The following PRDM5 variants were observed in gnomAD, a reference collection of about 807,000 sequenced individuals.
PRDM5 encodes the protein PR domain zinc finger protein 5.
In PRDM5, 56 loss-of-function variants were observed where a neutral mutation model predicts 81.2. The ratio of observed to expected loss-of-function variants is 0.69; its 90% CI spans 0.56 to 0.86. The LOEUF is 0.86. Among genes scored for constraint, PRDM5 ranks in the 40% least tolerant of loss-of-function variants. PRDM5 has a pLI of 0.00. For missense variants in PRDM5, 697 were observed against 770.1 expected (o/e 0.91, Z 1.12); for synonymous variants, 267 against 256.4 (o/e 1.04, Z -0.39).
At chr4:120,870,776 G>A (rs1319234347) in intron 2 of PRDM5, among the ~76,000 whole-genome samples, 3 of 152,096 alleles carry the variant, frequency 2.0e-5, no homozygotes, top group Non-Finnish European at 2.9e-5. Context: ...TGGAGCGGAC[G>A]GTAGCTCAGC....
At chr4:120,893,279 C>T (rs116201075) in intron 2 of PRDM5, among the ~76,000 whole-genome samples, 22 of 152,320 alleles carry the variant, frequency 1.4e-4, no homozygotes, top group African/African-American at 5.1e-4. Context: ...CTGCACTGAA[C>T]CTAGACAGAC....
At chr4:120,700,560 C>T (rs1227861652) in intron 15 of PRDM5, among the ~76,000 whole-genome samples, 1 of 152,164 alleles carries the variant, frequency 6.6e-6, no homozygotes, top group East Asian at 1.9e-4. Context: ...TCCAACAGTT[C>T]TAATGTCCAG....
At chr4:120,790,860 T>G (rs1750463750) in intron 10 of PRDM5, among the ~76,000 whole-genome samples, 1 of 152,132 alleles carries the variant, frequency 6.6e-6, no homozygotes, top group Non-Finnish European at 1.5e-5. Flanking sequence ...GGAAGACTGC[T>G]TGAGCCTTGG....
intron 2 of PRDM5, among the ~76,000 whole-genome samples, chr4:120,907,111 G>T (rs1380041669): frequency 6.6e-6 from 1 of 151,560 alleles, no homozygotes; most frequent in Non-Finnish European, 1.5e-5. Context: ...GAGACGGGTA[G>T]ATCACCTGAG....
At chr4:120,839,139 G>A in intron 3 of PRDM5, 1 of 677,644 alleles carries the variant, frequency 1.5e-6, no homozygotes, top group Admixed American at 2.0e-5. Context: ...GAGCTCCCAG[G>A]TCTGGGATCC....
At chr4:120,901,435 A>G (rs1245020152) in intron 2 of PRDM5, among the ~76,000 whole-genome samples, 1 of 152,226 alleles carries the variant, frequency 6.6e-6, no homozygotes, top group Non-Finnish European at 1.5e-5. Flanking sequence ...CTCATGAATG[A>G]TCCAGGAGAC....
At chr4:120,718,790 A>C (rs1374525944) in intron 14 of PRDM5, among the ~76,000 whole-genome samples, 2 of 152,246 alleles carry the variant, frequency 1.3e-5, no homozygotes, top group Non-Finnish European at 2.9e-5. Context: ...AGCTGCTACC[A>C]TAGTGGCTGA....
intron 15 of PRDM5, among the ~76,000 whole-genome samples, chr4:120,705,516 T>C (rs575468811): frequency 6.6e-6 from 1 of 152,052 alleles, no homozygotes; most frequent in Non-Finnish European, 1.5e-5. Flanking sequence ...AAGATGTAGA[T>C]TCAGGGTAGG....
At chr4:120,793,348 A>G (rs1006137748) in intron 10 of PRDM5, among the ~76,000 whole-genome samples, 2 of 152,180 alleles carry the variant, frequency 1.3e-5, no homozygotes, top group Non-Finnish European at 2.9e-5. Flanking sequence ...GTAGGAAAAC[A>G]AGCTGAGGGC....
intron 15 of PRDM5, among the ~76,000 whole-genome samples, chr4:120,704,765 T>C (rs1264598713): frequency 1.3e-5 from 2 of 151,896 alleles, no homozygotes; most frequent in African/African-American, 4.8e-5. Flanking sequence ...TAAGGGAAAA[T>C]TGGCAGAAGG....
chr4:120,816,843 A>G lies in PRDM5; in HGVS notation c.732T>C (p.Ser244=). The G allele has an allele frequency of 6.2e-7, 1 of 1,613,682 alleles. No homozygotes were observed. Among genetic ancestry groups the G allele is most frequent in the Non-Finnish European group, 8.5e-7 (1 of 1,179,536 alleles). The change falls in exon 6 of 16, where the codon AGT becomes AGC. Residue 244 remains serine (S), a synonymous_variant. Transcript: ENST00000264808. The part of the protein sequence containing the change: ...FQCSVCNSSF[S]SASSFEQHQE... ...CTCAGACACAAAACCTCGATGCTGA[A>G]CTGAAGGAAGAATTGCAAACAGAGC...
chr4:120,853,398 T>C lies in PRDM5; in HGVS notation c.300+20A>G, dbSNP rs1486659192. The C allele has an allele frequency of 1.2e-6, 2 of 1,613,524 alleles. No homozygotes were observed. Among genetic ancestry groups the C allele is most frequent in the South Asian group, 2.2e-5 (2 of 91,078 alleles). Reference sequence around the variant, plus strand: ...CCCCCCTCACAGTGCATAGTACAAATGAGAAGCAAATAAGCTCACTTGAAT... The same window carrying C: ...CCCCCCTCACAGTGCATAGTACAAACGAGAAGCAAATAAGCTCACTTGAAT... On this transcript the variant is annotated intron_variant, in intron 3 of 15. Transcript: ENST00000264808.
chr4:120,809,102 C>T (rs542269649), intron 8 of PRDM5, among the ~76,000 whole-genome samples: 5 of 152,304 alleles, frequency 3.3e-5, no homozygotes, highest in African/African-American at 7.2e-5. Flanking sequence ...GCGAAGGCTG[C>T]GAGGGCTGCC....
intron 14 of PRDM5, among the ~76,000 whole-genome samples, chr4:120,717,992 A>G (rs1166467791): frequency 3.3e-5 from 5 of 152,210 alleles, no homozygotes; most frequent in Non-Finnish European, 7.3e-5. Flanking sequence ...GTAGGCAATG[A>G]AAGAAAACAG....
At chr4:120,887,191 G>A (rs1008155464) in intron 2 of PRDM5, among the ~76,000 whole-genome samples, 4 of 152,026 alleles carry the variant, frequency 2.6e-5, no homozygotes, top group African/African-American at 4.8e-5. Context: ...TGATCCACCC[G>A]CCTTGGCCTC....
At chr4:120,841,931 GATTA>G (rs1297563461) in intron 3 of PRDM5, among the ~76,000 whole-genome samples, 1 of 152,128 alleles carries the variant, frequency 6.6e-6, no homozygotes, top group African/African-American at 2.4e-5. Context: ...GTGCAATATT[GATTA>G]ATTCTCAAAT....
chr4:120,825,114 C>T lies in PRDM5; in HGVS notation c.301-3769G>A, dbSNP rs567944636. On this transcript the variant is annotated intron_variant, in intron 3 of 15. Coordinates refer to ENST00000264808, the MANE Select transcript of PRDM5 (RefSeq NM_018699.4). The stretch of plus-strand genomic sequence containing the variant: ...GGTTCAAAGTCTCACTCTAGATTGA[C>T]TAGCTATGTGACTGAGCAAACAGCC... Among the ~76,000 whole-genome samples, 3 of 152,230 alleles carry T rather than the reference C, an allele frequency of 2.0e-5. No individual in the cohort carries two copies. The South Asian group carries it at 6.2e-4, about 32-fold the overall frequency.
At chr4:120,715,392 AAT>A (rs1448276701) in intron 14 of PRDM5, among the ~76,000 whole-genome samples, 3 of 152,192 alleles carry the variant, frequency 2.0e-5, no homozygotes, top group Non-Finnish European at 4.4e-5. Flanking sequence ...GATGTAAAAA[AAT>A]ATGTTTAATG....
At chr4:120,770,846 C>T (rs1332777304) in intron 13 of PRDM5, among the ~76,000 whole-genome samples, 1 of 151,662 alleles carries the variant, frequency 6.6e-6, no homozygotes, top group African/African-American at 2.4e-5. Flanking sequence ...TTGTATTATT[C>T]AAGAGAAATT....
Sources: gnomAD v4.1 joint callset for allele counts (sites outside exome capture counted in the v4.1 genomes callset) on GRCh38, gnomAD v4.1.1 for gene constraint, MANE v1.5 for transcripts, NCBI Gene and HGNC (gene_info 2026-07-23, HGNC 2026-07-21) for gene names.